The following ATRX variants were observed in gnomAD, a reference collection of about 807,000 sequenced individuals.
ATRX encodes chromatin remodeler ATRX.
Under a neutral mutation model 172.6 loss-of-function variants are expected in ATRX, and 12 were observed. That is an observed-to-expected ratio of 0.07 (90% CI 0.04 to 0.11). The LOEUF (loss-of-function observed/expected upper bound fraction) is 0.11, where lower values mean the gene tolerates loss of function less well. Among genes scored for constraint, ATRX ranks in the 10% least tolerant of loss-of-function variants. ATRX has a pLI of 1.00. For synonymous variants in ATRX, 674 were observed against 594.7 expected (o/e 1.13, Z -1.94); for missense variants, 1,368 against 1,767.4 (o/e 0.77, Z 4.05).
At chrX:77,607,076 C>T (rs1427525546) in intron 22 of ATRX, among the ~76,000 whole-genome samples, 1 of 111,549 alleles carries the variant, frequency 9.0e-6, no homozygotes, top group Non-Finnish European at 1.9e-5. Flanking sequence ...ATCTTGAACA[C>T]AACAAGGATG....
chrX:77,730,451 G>A (rs868921613), intron 1 of ATRX, among the ~76,000 whole-genome samples: 70 of 111,691 alleles, frequency 6.3e-4, no homozygotes, highest in African/African-American at 2.1e-3. Flanking sequence ...AACCAACAAT[G>A]AAGCATCAGA....
At chrX:77,628,942 A>G (rs2067991760) in intron 19 of ATRX, among the ~76,000 whole-genome samples, 1 of 112,145 alleles carries the variant, frequency 8.9e-6, no homozygotes, top group African/African-American at 3.2e-5. Context: ...AAGGCTTGGG[A>G]TAATTGTTAC....
rs1345153601 is a variant in ATRX, at chrX:77,506,445, A to G, written c.*1906T>C. Reference sequence around the variant, plus strand: ...TAAAATTTTCACATCTATGTCTTTGAGTAAATAATTAGACCATGTTGAAAA... The same window carrying G: ...TAAAATTTTCACATCTATGTCTTTGGGTAAATAATTAGACCATGTTGAAAA... On this transcript the variant is annotated 3_prime_UTR_variant, in exon 35 of 35. Transcript: ENST00000373344. 1 of 173,338 alleles carries G rather than the reference A, an allele frequency of 5.8e-6. No individual in the cohort carries two copies. The highest frequency in any genetic ancestry group is 3.0e-5 in the African/African-American group (1 of 33,884). 14.3% of individuals were successfully genotyped at this position (173,338 alleles called of 1,213,427 possible).
chrX:77,763,040 A>G (rs1557193615), intron 1 of ATRX, among the ~76,000 whole-genome samples: 1 of 111,533 alleles, frequency 9.0e-6, no homozygotes. Context: ...ACTGAAGGGT[A>G]AGTGTTAACC....
At chrX:77,667,068 A>G (rs1028880448) in intron 10 of ATRX, among the ~76,000 whole-genome samples, 5 of 110,136 alleles carry the variant, frequency 4.5e-5, no homozygotes, top group African/African-American at 9.9e-5. Flanking sequence ...AAACCACAAT[A>G]TAGTTCTATT....
intron 1 of ATRX, among the ~76,000 whole-genome samples, chrX:77,722,579 C>A (rs192143654): frequency 1.8e-5 from 2 of 111,432 alleles, no homozygotes; most frequent in East Asian, 5.6e-4. Flanking sequence ...GGCCAACAAA[C>A]ATATGAAAAA....
chrX:77,682,555 T>C lies in ATRX; in HGVS notation c.2701A>G (p.Ile901Val), dbSNP rs587778087. The C allele has an allele frequency of 3.7e-5, 45 of 1,209,768 alleles. No homozygotes were observed. The East Asian group carries it at 1.1e-3, about 29-fold the overall frequency. ...GGAAGTCGATCTCTTAATTCCATGA[T>C]GGTCGTGTCTTTATCAACTGTGCCT... ...AEGTVDKDTT[I>V]MELRDRLPKK... The change falls in exon 9 of 35, where the codon ATC becomes GTC. Residue 901 changes from isoleucine (I) to valine (V), a missense_variant. Ile to Val is a conservative substitution (Grantham distance 29). Coordinates refer to ENST00000373344, the MANE Select transcript of ATRX (RefSeq NM_000489.6).
chrX:77,661,731 T>C (rs2148480439), intron 12 of ATRX, among the ~76,000 whole-genome samples: 1 of 110,849 alleles, frequency 9.0e-6, no homozygotes, highest in African/African-American at 3.3e-5. Context: ...TATATATTAT[T>C]TAACATAAAA....
intron 4 of ATRX, 57 bp from the exon 5 acceptor site, chrX:77,696,761 C>T (rs1415866746): frequency 9.0e-7 from 1 of 1,109,475 alleles, no homozygotes; most frequent in Non-Finnish European, 1.2e-6. Context: ...GGAACAATAC[C>T]CAAAGAACAT....
At position 77,507,345 on chromosome X, in the gene ATRX, T is replaced by C. The variant is rs782772538; in HGVS notation, c.*1006A>G. On this transcript the variant is annotated 3_prime_UTR_variant, in exon 35 of 35. Transcript: ENST00000373344. ...AGTACTGGGAATTGTTAAAAGTACA[T>C]TCCTCATGTGAACCTAAAGTCAGCA... 1.4e-4 allele frequency: 24 copies of C among 172,177 alleles called. No individual in the cohort carries two copies. The highest frequency in any genetic ancestry group is 3.2e-4 in the Admixed American group (4 of 12,511). 14.2% of individuals were successfully genotyped at this position (172,177 alleles called of 1,213,427 possible).
At chrX:77,769,286 T>G (rs1300006833) in intron 1 of ATRX, among the ~76,000 whole-genome samples, 25 of 109,506 alleles carry the variant, frequency 2.3e-4, no homozygotes, top group Non-Finnish European at 2.9e-4. Flanking sequence ...TGTTTGTTTT[T>G]TTTTTTTTTG....
At chrX:77,588,946 A>G (rs1557078677) in intron 27 of ATRX, among the ~76,000 whole-genome samples, 1 of 112,518 alleles carries the variant, frequency 8.9e-6, no homozygotes, top group Non-Finnish European at 1.9e-5. Flanking sequence ...TAGGATGGTT[A>G]TAACAAAAAC....
intron 28 of ATRX, among the ~76,000 whole-genome samples, chrX:77,572,336 A>C (rs995858939): frequency 2.7e-5 from 3 of 111,638 alleles, no homozygotes; most frequent in African/African-American, 9.7e-5. Flanking sequence ...TATGCTCAAC[A>C]GGTAAGAATA....
chrX:77,735,837 A>T (rs782095010), intron 1 of ATRX, among the ~76,000 whole-genome samples: 143 of 65,991 alleles, frequency 2.2e-3, no homozygotes, highest in Middle Eastern at 0.012. Flanking sequence ...AATAAATAAA[A>T]ATAAATAAAT....
intron 1 of ATRX, among the ~76,000 whole-genome samples, chrX:77,755,414 T>C (rs902877174): frequency 8.9e-6 from 1 of 112,207 alleles, no homozygotes; most frequent in African/African-American, 3.2e-5. Flanking sequence ...AGAAGAGGCA[T>C]TCGGGTTTTT....
chrX:77,694,901 T>TGC (rs1557148995), intron 5 of ATRX, among the ~76,000 whole-genome samples: 3 of 27,806 alleles, frequency 1.1e-4, no homozygotes, highest in Middle Eastern at 0.018. Flanking sequence ...TCTGAAAGGG[T>TGC]GGGGGGGGGG....
chrX:77,774,400 G>A (rs1023449314), intron 1 of ATRX, among the ~76,000 whole-genome samples: 1 of 111,465 alleles, frequency 9.0e-6, no homozygotes, highest in Non-Finnish European at 1.9e-5. Flanking sequence ...TGTATCGGCC[G>A]GGTGCAGTGG....
At chrX:77,742,156 T>G (rs1258740491) in intron 1 of ATRX, among the ~76,000 whole-genome samples, 1 of 111,967 alleles carries the variant, frequency 8.9e-6, no homozygotes, top group Non-Finnish European at 1.9e-5. Flanking sequence ...TGATAAATAT[T>G]AGACCAACTA....
intron 1 of ATRX, among the ~76,000 whole-genome samples, chrX:77,754,636 G>T (rs1421543011): frequency 2.7e-5 from 3 of 111,892 alleles, no homozygotes; most frequent in Non-Finnish European, 1.9e-5. Context: ...GGGTTGAAAA[G>T]TTTTTTCTTT....
Sources: allele counts gnomAD v4.1 joint callset (sites outside exome capture counted in the v4.1 genomes callset), GRCh38; gene constraint gnomAD v4.1.1; transcripts MANE v1.5; gene names NCBI Gene and HGNC (gene_info 2026-07-23, HGNC 2026-07-21).